The following LRFN5 variants were observed in gnomAD, a reference collection of about 807,000 sequenced individuals.
The protein encoded by LRFN5 is leucine rich repeat and fibronectin type III domain containing 5.
Under a neutral mutation model 45.6 loss-of-function variants are expected in LRFN5, and 24 were observed. That is an observed-to-expected ratio of 0.53 (90% CI 0.38 to 0.74). The LOEUF (loss-of-function observed/expected upper bound fraction) is 0.74. Among genes scored for constraint, LRFN5 ranks in the 30% least tolerant of loss-of-function variants. The pLI, the probability that LRFN5 is intolerant of heterozygous loss-of-function variation, is 0.00. For synonymous variants in LRFN5, 340 were observed against 313.8 expected, an observed-to-expected ratio of 1.08 and a Z score of -0.88; for missense variants, 776 against 861.5, an observed-to-expected ratio of 0.90 and a Z score of 1.24.
chr14:41,695,351 A>C (rs2138713773), intron 1 of LRFN5, among the ~76,000 whole-genome samples: 1 of 152,122 alleles, frequency 6.6e-6, no homozygotes, highest in African/African-American at 2.4e-5. Flanking sequence ...CAAGTTATGC[A>C]GAAGACCTGG....
chr14:41,821,452 A>G (rs1164541221), intron 2 of LRFN5, among the ~76,000 whole-genome samples: 4 of 151,892 alleles, frequency 2.6e-5, no homozygotes, highest in African/African-American at 4.8e-5. Context: ...ATTGATTTGC[A>G]TATATTGAAT....
chr14:41,813,754 T>C (rs1457692467), intron 2 of LRFN5, among the ~76,000 whole-genome samples: 1 of 152,210 alleles, frequency 6.6e-6, no homozygotes, highest in Non-Finnish European at 1.5e-5. Flanking sequence ...TCTAGATCCT[T>C]GAGGAATCGC....
At chr14:41,739,586 A>G (rs2138816319) in intron 1 of LRFN5, among the ~76,000 whole-genome samples, 1 of 152,240 alleles carries the variant, frequency 6.6e-6, no homozygotes, top group Non-Finnish European at 1.5e-5. Flanking sequence ...AGGGAATTTT[A>G]TAACAATAAA....
At chr14:41,798,044 ATCTC>A (rs1887194658) in intron 2 of LRFN5, among the ~76,000 whole-genome samples, 1 of 151,902 alleles carries the variant, frequency 6.6e-6, no homozygotes, top group South Asian at 2.1e-4. Flanking sequence ...TCTTGGAACT[ATCTC>A]TATCCCCGCT....
chr14:41,744,021 G>T (rs983755027), intron 1 of LRFN5, among the ~76,000 whole-genome samples: 1 of 151,960 alleles, frequency 6.6e-6, no homozygotes, highest in Non-Finnish European at 1.5e-5. Context: ...CAATCATTTG[G>T]TAACTACAAA....
chr14:41,610,661 T>TAAAAAAAAAAAAAA (rs199770856), intron 1 of LRFN5, among the ~76,000 whole-genome samples: 431 of 37,274 alleles, frequency 0.012, 75 homozygotes, highest in Non-Finnish European at 0.018. Context: ...CCAGGGAAGG[T>TAAAAAAAAAAAAAA]AAAAAAAAAA....
chr14:41,887,314 C>T lies in LRFN5; in HGVS notation c.689C>T (p.Pro230Leu). The change falls in exon 3 of 6, where the codon CCA becomes CTA. Residue 230 changes from proline (P) to leucine (L), a missense_variant. Physicochemically the swap from Pro to Leu is moderately conservative, Grantham distance 98. Transcript: ENST00000298119. The surrounding 1 kb of genome is among the most constrained non-coding windows in gnomAD (Gnocchi z 4.8). ...QVLATSGIIS[P>L]STFALSFGGN... Reference sequence around the variant, plus strand: ...CTAGCAACCTCAGGAATCATAAGCCCATCTACTTTTGCATTAAGTTTTGGT... The same window carrying T: ...CTAGCAACCTCAGGAATCATAAGCCTATCTACTTTTGCATTAAGTTTTGGT... 6.2e-7 allele frequency: 1 copy of T among 1,614,202 alleles called. No homozygotes were observed. The highest frequency in any genetic ancestry group is 8.5e-7 in the Non-Finnish European group (1 of 1,180,044).
intron 1 of LRFN5, among the ~76,000 whole-genome samples, chr14:41,675,375 C>A (rs1306440134): frequency 1.3e-5 from 2 of 152,234 alleles, no homozygotes; most frequent in Non-Finnish European, 2.9e-5. Flanking sequence ...CCGAGGCTGG[C>A]GGATCACTCG....
At chr14:41,853,622 A>G (rs1889350530) in intron 2 of LRFN5, among the ~76,000 whole-genome samples, 1 of 152,110 alleles carries the variant, frequency 6.6e-6, no homozygotes. Flanking sequence ...AAACATCTAA[A>G]TATAGATATC....
At chr14:41,823,059 G>A (rs1413272745) in intron 2 of LRFN5, among the ~76,000 whole-genome samples, 1 of 151,580 alleles carries the variant, frequency 6.6e-6, no homozygotes, top group Non-Finnish European at 1.5e-5. Context: ...CTTGTAAGCA[G>A]CATATGGTTG....
chr14:41,628,911 G>A (rs1308685321), intron 1 of LRFN5, among the ~76,000 whole-genome samples: 1 of 152,056 alleles, frequency 6.6e-6, no homozygotes, highest in East Asian at 1.9e-4. Context: ...CACAGAGATG[G>A]TGCATGTTGG....
intron 1 of LRFN5, among the ~76,000 whole-genome samples, chr14:41,673,242 G>C (rs1381295325): frequency 6.6e-6 from 1 of 151,956 alleles, no homozygotes; most frequent in East Asian, 2.0e-4. Context: ...ACACCTCCCA[G>C]ACGGGGTGGT....
At position 41,734,173 on chromosome 14, in the gene LRFN5, G is replaced by A. The variant is rs578217763; in HGVS notation, c.-196-32681G>A. 2.2e-3 allele frequency among the ~76,000 whole-genome samples: 319 copies of A among 144,004 alleles called. 2 individuals carry two copies. The highest frequency in any genetic ancestry group is 7.5e-3 in the African/African-American group (301 of 39,994). The allele number at this position is 144,004 out of a possible 152,430, so 94.5% of individuals were successfully genotyped here. On this transcript the variant is annotated intron_variant, in intron 1 of 5. Transcript: ENST00000298119. ...TCTGAGTAGCCGGGATTACAGGTGCGCACCAATTTTGTATTTTTAGTAGAG... is the reference window on the plus strand; with the variant it reads ...TCTGAGTAGCCGGGATTACAGGTGCACACCAATTTTGTATTTTTAGTAGAG...
intron 1 of LRFN5, among the ~76,000 whole-genome samples, chr14:41,654,000 A>T (rs542175866): frequency 6.6e-6 from 1 of 152,174 alleles, no homozygotes; most frequent in East Asian, 1.9e-4. Context: ...TTGAACAATG[A>T]GAACACTTGG....
intron 2 of LRFN5, among the ~76,000 whole-genome samples, chr14:41,770,739 G>A (rs887274237): frequency 2.0e-5 from 3 of 152,112 alleles, no homozygotes; most frequent in Non-Finnish European, 4.4e-5. Context: ...TGGCTTTTCT[G>A]GGCAGAGGGT....
chr14:41,891,724 G>A lies in LRFN5; in HGVS notation c.1860G>A (p.Gln620=). 6.2e-7 allele frequency: 1 copy of A among 1,614,118 alleles called. No homozygotes were observed. Among genetic ancestry groups the A allele is most frequent in the Non-Finnish European group, 8.5e-7 (1 of 1,180,030 alleles). The change falls in exon 4 of 6, where the codon CAG becomes CAA. Residue 620 remains glutamine, a synonymous_variant. Transcript: ENST00000298119. ...AATCTTCAGAAACTTGTTCGAGTCA[G>A]GACTCCTCTACCACTACCTCTGCTT... The part of the protein sequence containing the change: ...VIQSSETCSS[Q]DSSTTTSALP...
At chr14:41,726,692 C>T (rs1329114016) in intron 1 of LRFN5, among the ~76,000 whole-genome samples, 1 of 151,986 alleles carries the variant, frequency 6.6e-6, no homozygotes, top group African/African-American at 2.4e-5. Flanking sequence ...ACAGTTTTCT[C>T]TGTTACAGGT....
At chr14:41,659,862 T>C (rs972720623) in intron 1 of LRFN5, among the ~76,000 whole-genome samples, 5 of 151,906 alleles carry the variant, frequency 3.3e-5, no homozygotes, top group African/African-American at 1.2e-4. Flanking sequence ...TTGAGAAGTG[T>C]CTGTTCATGT....
chr14:41,826,098 T>C (rs1326119227), intron 2 of LRFN5, among the ~76,000 whole-genome samples: 12 of 152,214 alleles, frequency 7.9e-5, no homozygotes, highest in Non-Finnish European at 1.3e-4. Context: ...TGGCCTCAGA[T>C]AGGTCTAGTC....
Sources: gnomAD v4.1 joint callset for allele counts (sites outside exome capture counted in the v4.1 genomes callset) on GRCh38, gnomAD v4.1.1 for gene constraint, Gnocchi (gnomAD v3.1) non-coding constraint, MANE v1.5 for transcripts, NCBI Gene and HGNC (gene_info 2026-07-23, HGNC 2026-07-21) for gene names.